The following DPH6 variants were observed in gnomAD, a reference collection of about 807,000 sequenced individuals.
The protein encoded by DPH6 is diphthine--ammonia ligase.
A neutral mutation model predicts 38.2 loss-of-function variants in DPH6; 33 were observed. The ratio of observed to expected loss-of-function variants is 0.86; its 90% CI spans 0.65 to 1.15. The LOEUF is 1.15. Ranked by LOEUF, DPH6 falls within the 50% of genes most tolerant of loss-of-function variation. The pLI is 0.00. For missense variants in DPH6, 325 were observed against 320.0 expected (o/e 1.02, Z -0.12); for synonymous variants, 108 against 103.0 (o/e 1.05, Z -0.30).
At chr15:35,288,881 T>C (rs72708930) in intron 3 of DPH6, among the ~76,000 whole-genome samples, 4,647 of 152,260 alleles carry the variant, frequency 0.031, 206 homozygotes, top group African/African-American at 0.1. Flanking sequence ...GCCAGGCAAC[T>C]GCTCTTGCTG....
chr15:35,515,216 T>C (rs1026839101), intron 3 of DPH6, among the ~76,000 whole-genome samples: 4 of 152,084 alleles, frequency 2.6e-5, no homozygotes, highest in African/African-American at 7.2e-5. Context: ...TTATATATTA[T>C]AGCATGTGAC....
At position 35,521,609 on chromosome 15, in the gene DPH6, G is replaced by A. The variant is rs901416684; in HGVS notation, c.312+16665C>T. 4.1e-6 allele frequency: 5 copies of A among 1,229,002 alleles called. No individual in the cohort carries two copies. The African/African-American group carries it at 6.2e-5, about 15-fold the overall frequency. 76.1% of individuals were successfully genotyped at this position (1,229,002 alleles called of 1,614,324 possible). On this transcript the variant is annotated intron_variant, in intron 3 of 8. Transcript: ENST00000256538. ...CAATATTGCTTTTCATCTACCACAGGATGACTACAAAAAAAATCAGGCAAT... is the reference window on the plus strand; with the variant it reads ...CAATATTGCTTTTCATCTACCACAGAATGACTACAAAAAAAATCAGGCAAT...
downstream of DPH6, among the ~76,000 whole-genome samples, chr15:35,213,345 T>TGAC (rs973952021): frequency 4.6e-4 from 70 of 152,356 alleles, no homozygotes; most frequent in African/African-American, 1.7e-3. Context: ...TTGCCTAAGA[T>TGAC]GACAGCAAAT....
intron 3 of DPH6, among the ~76,000 whole-genome samples, chr15:35,267,227 GGGAGGAGCTGCT>G (rs1471751971): frequency 2.0e-5 from 3 of 152,306 alleles, no homozygotes; most frequent in Middle Eastern, 3.4e-3. Flanking sequence ...TGAGTGGGCA[GGGAGGAGCTGCT>G]GATCAGATTG....
At chr15:35,361,168 C>T (rs977432147) in intron 3 of DPH6, among the ~76,000 whole-genome samples, 5 of 152,188 alleles carry the variant, frequency 3.3e-5, no homozygotes, top group African/African-American at 1.2e-4. Flanking sequence ...TGTCAGCTAG[C>T]CTGCCACTGG....
At chr15:35,224,683 C>T (rs1052690466) in intron 3 of DPH6, among the ~76,000 whole-genome samples, 1 of 152,134 alleles carries the variant, frequency 6.6e-6, no homozygotes, top group Non-Finnish European at 1.5e-5. Context: ...TTTGTATTTC[C>T]ACCAGCAATG....
At chr15:35,493,096 C>T (rs564452335) in intron 3 of DPH6, among the ~76,000 whole-genome samples, 8 of 152,300 alleles carry the variant, frequency 5.3e-5, no homozygotes, top group African/African-American at 1.2e-4. Flanking sequence ...TACATTCATG[C>T]TAATCCACCA....
intron 3 of DPH6, among the ~76,000 whole-genome samples, chr15:35,258,186 C>T (rs369136681): frequency 1.3e-5 from 2 of 152,110 alleles, no homozygotes; most frequent in East Asian, 1.9e-4. Flanking sequence ...AAAAGATTGT[C>T]TTTTTGCCTT....
chr15:35,256,980 T>C (rs983115661), intron 3 of DPH6, among the ~76,000 whole-genome samples: 7 of 152,198 alleles, frequency 4.6e-5, no homozygotes, highest in Non-Finnish European at 8.8e-5. Flanking sequence ...AAACATTAGA[T>C]GCATTGATGA....
At chr15:35,350,839 T>C (rs1026091151) in intron 3 of DPH6, among the ~76,000 whole-genome samples, 3 of 152,216 alleles carry the variant, frequency 2.0e-5, no homozygotes, top group Non-Finnish European at 4.4e-5. Flanking sequence ...AGACCTGTTT[T>C]GTGGCCTAAC....
intron 3 of DPH6, among the ~76,000 whole-genome samples, chr15:35,488,831 G>A (rs1166665303): frequency 6.6e-6 from 1 of 151,204 alleles, no homozygotes; most frequent in Non-Finnish European, 1.5e-5. Flanking sequence ...GAGAGATAAA[G>A]ACACTGTAAT....
At chr15:35,321,830 A>G (rs1798510338) in intron 3 of DPH6, among the ~76,000 whole-genome samples, 1 of 152,192 alleles carries the variant, frequency 6.6e-6, no homozygotes, top group South Asian at 2.1e-4. Context: ...CACAGACAAA[A>G]TTAATTCACT....
intron 3 of DPH6, among the ~76,000 whole-genome samples, chr15:35,277,304 C>G (rs2051865725): frequency 6.6e-6 from 1 of 152,130 alleles, no homozygotes; most frequent in Admixed American, 6.5e-5. Context: ...ATTCTTCTAT[C>G]AGTTCTAGGA....
intron 3 of DPH6, among the ~76,000 whole-genome samples, chr15:35,313,184 G>A (rs574044521): frequency 7.9e-5 from 12 of 152,054 alleles, no homozygotes; most frequent in Non-Finnish European, 1.6e-4. Context: ...AGTGAGGTGA[G>A]ATCACACCAC....
At chr15:35,359,808 CA>C (rs965034804) in intron 3 of DPH6, among the ~76,000 whole-genome samples, 41 of 152,162 alleles carry the variant, frequency 2.7e-4, no homozygotes, top group African/African-American at 8.9e-4. Flanking sequence ...CTAAGTTTTT[CA>C]GTTCAGTCAT....
chr15:35,415,964 T>C (rs1186052625), intron 5 of DPH6, among the ~76,000 whole-genome samples: 1 of 151,982 alleles, frequency 6.6e-6, no homozygotes, highest in Non-Finnish European at 1.5e-5. Flanking sequence ...TGTGTACCTA[T>C]AGGTTTGGTA....
chr15:35,270,148 G>A (rs189005559), intron 3 of DPH6, among the ~76,000 whole-genome samples: 55 of 152,262 alleles, frequency 3.6e-4, no homozygotes, highest in African/African-American at 1.3e-3. Flanking sequence ...AATGTAAGAT[G>A]CAATCCACTG....
intron 3 of DPH6, among the ~76,000 whole-genome samples, chr15:35,321,325 A>C (rs894104370): frequency 6.6e-6 from 1 of 152,254 alleles, no homozygotes; most frequent in African/African-American, 2.4e-5. Context: ...CAACTATGTC[A>C]TATTTCTCTT....
chr15:35,219,215 T>A (rs2051427942), exon 4 of DPH6: 1 of 152,292 alleles, frequency 6.6e-6, no homozygotes, highest in East Asian at 1.9e-4. Flanking sequence ...CAGCCATAAT[T>A]TGTAGGAGCT....
Sources: allele counts gnomAD v4.1 joint callset (sites outside exome capture counted in the v4.1 genomes callset), GRCh38; gene constraint gnomAD v4.1.1; transcripts MANE v1.5; gene names NCBI Gene and HGNC (gene_info 2026-07-23, HGNC 2026-07-21).